CCDC141: variants seen among roughly 807,000 people sequenced by gnomAD.
CCDC141 encodes the protein coiled-coil domain containing 141.
A neutral mutation model predicts 181.0 loss-of-function variants in CCDC141; 168 were observed. The ratio of observed to expected loss-of-function variants is 0.93; its 90% confidence interval spans 0.82 to 1.05. The LOEUF is 1.05. Ranked by LOEUF, CCDC141 falls within the 50% of genes least tolerant of loss-of-function variation. The probability of loss-of-function intolerance (pLI) is 0.00; values close to 1 mark genes in which losing one functional copy is unlikely to be tolerated. For missense variants in CCDC141, 1,902 were observed against 1,788.5 expected, an observed-to-expected ratio of 1.06 and a Z score of -1.14; for synonymous variants, 666 against 642.3, an observed-to-expected ratio of 1.04 and a Z score of -0.56.
At chr2:179,033,894 T>A (rs966757831) in intron 2 of CCDC141, among the ~76,000 whole-genome samples, 3 of 152,186 alleles carry the variant, frequency 2.0e-5, no homozygotes, top group African/African-American at 7.2e-5. Flanking sequence ...GGCTTAAACT[T>A]CTGAATTTAT....
At chr2:178,995,259 A>C (rs1453021494) in intron 2 of CCDC141, among the ~76,000 whole-genome samples, 1 of 152,228 alleles carries the variant, frequency 6.6e-6, no homozygotes, top group African/African-American at 2.4e-5. Context: ...ATGCCTCGCA[A>C]TCAAGGCAGA....
intron 2 of CCDC141, among the ~76,000 whole-genome samples, chr2:179,006,502 C>G (rs1257956281): frequency 6.6e-6 from 1 of 152,046 alleles, no homozygotes; most frequent in African/African-American, 2.4e-5. Flanking sequence ...TTCTAAGGAC[C>G]CATCTATTTC....
At chr2:178,946,135 C>G (rs1193558820) in intron 5 of CCDC141, among the ~76,000 whole-genome samples, 2 of 152,100 alleles carry the variant, frequency 1.3e-5, no homozygotes, top group Non-Finnish European at 2.9e-5. Flanking sequence ...ACATATATCT[C>G]ATTTTCTTCC....
chr2:179,016,373 C>T (rs1268631225), intron 2 of CCDC141, among the ~76,000 whole-genome samples: 1 of 151,950 alleles, frequency 6.6e-6, no homozygotes, highest in African/African-American at 2.4e-5. Context: ...GTTCTCCCCT[C>T]ACCATAAAAA....
intron 5 of CCDC141, among the ~76,000 whole-genome samples, chr2:178,954,962 C>G (rs1168720631): frequency 6.6e-6 from 1 of 152,100 alleles, no homozygotes. Context: ...TGCAATTCTT[C>G]ACCACTGTAC....
At chr2:178,872,600 G>A (rs1686170368) in intron 12 of CCDC141, among the ~76,000 whole-genome samples, 2 of 152,054 alleles carry the variant, frequency 1.3e-5, no homozygotes, top group Non-Finnish European at 2.9e-5. Flanking sequence ...ATGAGCAGGG[G>A]ATCCATAATT....
rs1288058727 is a variant in CCDC141, at chr2:178,853,760, A to G, written c.3061-136T>C. On this transcript the variant is annotated intron_variant, in intron 19 of 23. Coordinates refer to ENST00000443758, the MANE Select transcript of CCDC141 (RefSeq NM_173648.4). ...TGGCTTGAACTTTCTAAGTCATAAT[A>G]AAGAAAATATTAAAACATGATCGTA... The G allele has an allele frequency of 1.6e-5, 10 of 643,450 alleles. No individual in the cohort carries two copies. The East Asian group carries it at 2.8e-4, about 18-fold the overall frequency. The allele number at this position is 643,450 out of a possible 1,614,324, so 39.9% of individuals were successfully genotyped here.
At position 178,854,272 on chromosome 2, in the gene CCDC141, C is replaced by A. The variant is rs1027476726; in HGVS notation, c.3061-648G>T. Among the ~76,000 whole-genome samples the A allele has an allele frequency of 8.2e-4, 125 of 152,166 alleles. 1 individual carries two copies. The highest frequency in any genetic ancestry group is 2.5e-4 in the Non-Finnish European group (17 of 68,024). The stretch of plus-strand genomic sequence containing the variant: ...GGGCGTGGTGGCTCACGCCTGTAAT[C>A]CCAGCACTTTGGGAGGCCGAGGCAG... On this transcript the variant is annotated intron_variant, in intron 19 of 23. Coordinates refer to ENST00000443758, the MANE Select transcript of CCDC141 (RefSeq NM_173648.4).
At chr2:178,951,308 C>T (rs780427446) in intron 5 of CCDC141, among the ~76,000 whole-genome samples, 5 of 152,068 alleles carry the variant, frequency 3.3e-5, no homozygotes, top group Non-Finnish European at 5.9e-5. Flanking sequence ...AGAGACAGAC[C>T]GACAGGCAGT....
At chr2:178,964,012 G>A (rs1263966881) in intron 4 of CCDC141, among the ~76,000 whole-genome samples, 2 of 152,164 alleles carry the variant, frequency 1.3e-5, no homozygotes, top group Non-Finnish European at 2.9e-5. Flanking sequence ...GAACAAGATG[G>A]GGCTGGGGGT....
intron 2 of CCDC141, among the ~76,000 whole-genome samples, chr2:179,010,481 TTG>T (rs1179034708): frequency 2.0e-5 from 3 of 152,126 alleles, no homozygotes; most frequent in African/African-American, 7.2e-5. Flanking sequence ...CTAGGAGGGA[TTG>T]GGGTCCTGTC....
At chr2:178,892,883 T>C (rs1298125994) in intron 8 of CCDC141, among the ~76,000 whole-genome samples, 1 of 152,210 alleles carries the variant, frequency 6.6e-6, no homozygotes, top group Admixed American at 6.5e-5. Flanking sequence ...CATTTTGTTC[T>C]GATTTGGAAG....
intron 2 of CCDC141, among the ~76,000 whole-genome samples, chr2:179,042,787 C>T (rs1559067643): frequency 6.6e-6 from 1 of 152,084 alleles, no homozygotes; most frequent in Non-Finnish European, 1.5e-5. Flanking sequence ...AAGTTAACAA[C>T]CTAACATCAC....
chr2:178,955,258 C>A (rs1034594902), intron 5 of CCDC141, among the ~76,000 whole-genome samples: 49 of 152,072 alleles, frequency 3.2e-4, no homozygotes, highest in African/African-American at 1.1e-3. Context: ...GCACTCCAGC[C>A]TGGGTGACAG....
Position 178,837,553 on chromosome 2 carries a change from G to A in CCDC141, c.3666C>T (p.Ser1222=), listed in dbSNP as rs1684539081. The stretch of plus-strand genomic sequence containing the variant: ...CAGATGGTGCAAGAGGGGACTCAGG[G>A]CTTCCTGGGAGAGGAGGCAAGGAGA... ...DDISLPPLPG[S]PESPLAPSDM... Residue 1222 remains serine, a synonymous_variant, in exon 23 of 24, where the codon AGC becomes AGT. Coordinates refer to ENST00000443758, the MANE Select transcript of CCDC141 (RefSeq NM_173648.4). The A allele has an allele frequency of 6.2e-7, 1 of 1,613,740 alleles. No homozygotes were observed. Among genetic ancestry groups the A allele is most frequent in the African/African-American group, 1.3e-5 (1 of 74,874 alleles).
chr2:178,890,357 A>G (rs1227181992), intron 8 of CCDC141, among the ~76,000 whole-genome samples: 1 of 152,132 alleles, frequency 6.6e-6, no homozygotes, highest in Non-Finnish European at 1.5e-5. Flanking sequence ...TTTACCAACT[A>G]AACTTAGAAT....
At chr2:178,920,909 A>G (rs554095835) in intron 6 of CCDC141, among the ~76,000 whole-genome samples, 6 of 152,350 alleles carry the variant, frequency 3.9e-5, no homozygotes, top group East Asian at 3.9e-4. Flanking sequence ...AGTATCAGTT[A>G]TATAAAATTG....
At chr2:178,991,509 T>C (rs1692052781) in intron 2 of CCDC141, among the ~76,000 whole-genome samples, 1 of 152,052 alleles carries the variant, frequency 6.6e-6, no homozygotes, top group Non-Finnish European at 1.5e-5. Flanking sequence ...AGGTAGAGAA[T>C]AGAATGATGG....
chr2:178,851,828 A>G (rs1373267943), intron 20 of CCDC141, among the ~76,000 whole-genome samples: 2 of 152,204 alleles, frequency 1.3e-5, no homozygotes, highest in Admixed American at 6.5e-5. Context: ...TAACAGCCAC[A>G]GCTCTTAGTA....
Sources: allele counts gnomAD v4.1 joint callset (sites outside exome capture counted in the v4.1 genomes callset), GRCh38; gene constraint gnomAD v4.1.1; transcripts MANE v1.5; gene names NCBI Gene and HGNC (gene_info 2026-07-23, HGNC 2026-07-21).